Variants in FGF13 observed in about 807,000 individuals in gnomAD.
FGF13 encodes fibroblast growth factor 13.
FGF13 carries 2 observed loss-of-function variants against 19.5 expected under a neutral mutation model. That is an observed-to-expected ratio of 0.10 (90% CI 0.04 to 0.32). FGF13 has a LOEUF of 0.32. Ranked by LOEUF, FGF13 falls within the 10% of genes least tolerant of loss-of-function variation. The probability of loss-of-function intolerance (pLI) is 1.00; values close to 1 mark genes in which losing one functional copy is unlikely to be tolerated. For missense variants in FGF13, 113 were observed against 192.7 expected, an observed-to-expected ratio of 0.59 and a Z score of 2.45; for synonymous variants, 72 against 76.9, an observed-to-expected ratio of 0.94 and a Z score of 0.33.
intron 1 of FGF13, among the ~76,000 whole-genome samples, chrX:139,144,631 CT>C (rs1308203563): frequency 9.0e-6 from 1 of 111,342 alleles, no homozygotes; most frequent in African/African-American, 3.3e-5. Context: ...CATTCCTCTG[CT>C]GAAAAGATCT....
chrX:139,089,367 A>G (rs1289271304), intron 1 of FGF13, among the ~76,000 whole-genome samples: 1 of 112,623 alleles, frequency 8.9e-6, no homozygotes, highest in Non-Finnish European at 1.9e-5. Flanking sequence ...CTTGAATAAA[A>G]AATACTATTA....
rs978001092 is a variant in FGF13 at position 138,617,703 on chromosome X, G to A, written c.*15147C>T. The stretch of plus-strand genomic sequence containing the variant: ...AATTGGTATCCTCAGGACTTGGGAG[G>A]TGGAGGTGGGAGGACCACATGATGC... On this transcript the variant is annotated 3_prime_UTR_variant, in exon 5 of 5. Transcript: ENST00000315930. The A allele has an allele frequency of 9.0e-6, 1 of 111,579 alleles. No individual in the cohort carries two copies. Among genetic ancestry groups the A allele is most frequent in the African/African-American group, 3.3e-5 (1 of 30,608 alleles). The allele number at this position is 111,579 out of a possible 1,213,427, so 9.2% of individuals were successfully genotyped here.
At chrX:139,178,112 T>C (rs1459723487) in intron 1 of FGF13, among the ~76,000 whole-genome samples, 1 of 112,250 alleles carries the variant, frequency 8.9e-6, no homozygotes, top group African/African-American at 3.2e-5. Context: ...ACCTGCCTTC[T>C]GCGTTGATCT....
At chrX:138,861,484 A>G (rs1391291422) in intron 2 of FGF13, among the ~76,000 whole-genome samples, 2 of 112,438 alleles carry the variant, frequency 1.8e-5, no homozygotes, top group African/African-American at 6.5e-5. Flanking sequence ...GGCCTCAGAA[A>G]ACAGCTACCT....
chrX:138,931,347 A>G (rs1315634795), intron 1 of FGF13, among the ~76,000 whole-genome samples: 1 of 111,330 alleles, frequency 9.0e-6, no homozygotes, highest in Non-Finnish European at 1.9e-5. Context: ...GGACTCTTCC[A>G]GCTACAGATG....
chrX:138,854,080 G>A (rs1460521810), downstream of FGF13, among the ~76,000 whole-genome samples: 1 of 111,578 alleles, frequency 9.0e-6, no homozygotes, highest in Non-Finnish European at 1.9e-5. Context: ...TCCTGGAGCG[G>A]TAAGAAAAAG....
At chrX:138,740,012 G>A (rs1416118569), upstream of FGF13, among the ~76,000 whole-genome samples, 3 of 111,962 alleles carry the variant, frequency 2.7e-5, no homozygotes, top group Non-Finnish European at 3.8e-5. Context: ...CACCATACTC[G>A]TTACTGAAGC....
chrX:138,696,377 G>A (rs1344557096), intron 3 of FGF13, among the ~76,000 whole-genome samples: 5 of 111,999 alleles, frequency 4.5e-5, no homozygotes, highest in Admixed American at 1.9e-4. Flanking sequence ...TCTTCATTTA[G>A]CGTGATAAAA....
At chrX:138,691,056 CT>C (rs2089834119) in intron 3 of FGF13, among the ~76,000 whole-genome samples, 1 of 111,330 alleles carries the variant, frequency 9.0e-6, no homozygotes, top group Non-Finnish European at 1.9e-5. Context: ...TATGCTTCGA[CT>C]TCCCTGGGAG....
At position 138,768,738 on chromosome X, in the gene FGF13, G is replaced by GAT. The variant is rs1207173971; in HGVS notation, c.218-59812_218-59811dup. Among the ~76,000 whole-genome samples, 122 of 94,714 alleles carry GAT rather than the reference G, an allele frequency of 1.3e-3. 1 individual carries two copies. The highest frequency in any genetic ancestry group is 5.4e-3 in the East Asian group (18 of 3,306). The allele number at this position is 94,714 out of a possible 115,157, so 82.2% of individuals were successfully genotyped here. On this transcript the variant is annotated intron_variant, in intron 3 of 6. Coordinates refer to the FGF13 transcript ENST00000436198. Reference sequence around the variant, plus strand: ...ATATAAGTATATATTATATATATATGATATATATATATATATAATTTCACA... The same window carrying GAT: ...ATATAAGTATATATTATATATATATGATATATATATATATATATAATTTCACA...
chrX:138,665,291 G>T (rs2089530279), intron 3 of FGF13, among the ~76,000 whole-genome samples: 1 of 111,127 alleles, frequency 9.0e-6, no homozygotes, highest in Non-Finnish European at 1.9e-5. Context: ...GCTACCTGGG[G>T]TTCAGCTCGA....
At chrX:138,779,296 C>A (rs1160996411) in intron 3 of FGF13, among the ~76,000 whole-genome samples, 1 of 111,943 alleles carries the variant, frequency 8.9e-6, no homozygotes, top group Non-Finnish European at 1.9e-5. Flanking sequence ...TCACCAGCAA[C>A]GAAACAAAGC....
chrX:138,851,497 G>A (rs1471763649), intron 3 of FGF13, among the ~76,000 whole-genome samples: 1 of 111,592 alleles, frequency 9.0e-6, no homozygotes, highest in Non-Finnish European at 1.9e-5. Flanking sequence ...CGCAGCAAAG[G>A]TCTTCAATAA....
intron 3 of FGF13, among the ~76,000 whole-genome samples, chrX:138,772,843 C>G (rs141499015): frequency 1.8e-5 from 2 of 110,343 alleles, no homozygotes; most frequent in South Asian, 7.8e-4. Context: ...GCTGGTGTTA[C>G]CTTTCATATG....
At chrX:138,688,023 T>TCAGCTCA (rs1187600102) in intron 3 of FGF13, among the ~76,000 whole-genome samples, 2 of 108,334 alleles carry the variant, frequency 1.8e-5, no homozygotes, top group Non-Finnish European at 3.8e-5. Context: ...TGGCACGATG[T>TCAGCTCA]CAGCTCACTG....
intron 3 of FGF13, among the ~76,000 whole-genome samples, chrX:138,677,416 A>G (rs930320604): frequency 2.7e-5 from 3 of 110,302 alleles, no homozygotes; most frequent in African/African-American, 9.9e-5. Flanking sequence ...GAAAATTTTC[A>G]CAACCTACTC....
chrX:138,861,508 G>A (rs892573260), intron 2 of FGF13, among the ~76,000 whole-genome samples: 4 of 112,129 alleles, frequency 3.6e-5, no homozygotes, highest in Admixed American at 9.5e-5. Context: ...TATTTAGTAC[G>A]TGACAAACAC....
intron 1 of FGF13, among the ~76,000 whole-genome samples, chrX:139,094,515 A>G (rs2083458169): frequency 9.0e-6 from 1 of 111,717 alleles, no homozygotes; most frequent in Non-Finnish European, 1.9e-5. Flanking sequence ...AAGGCCATAC[A>G]GAGATAATAG....
intron 3 of FGF13, among the ~76,000 whole-genome samples, chrX:138,655,631 C>G (rs749696557): frequency 9.0e-6 from 1 of 111,001 alleles, no homozygotes; most frequent in East Asian, 2.8e-4. Context: ...GTGACAGTTA[C>G]TTGAGAGGTG....
Sources: gnomAD v4.1 joint callset for allele counts (sites outside exome capture counted in the v4.1 genomes callset) on GRCh38, gnomAD v4.1.1 for gene constraint, MANE v1.5 for transcripts, NCBI Gene and HGNC (gene_info 2026-07-23, HGNC 2026-07-21) for gene names.